PDE6A: variants seen among roughly 807,000 people sequenced by gnomAD.
PDE6A encodes the protein rod cGMP-specific 3',5'-cyclic phosphodiesterase subunit alpha.
A neutral mutation model predicts 106.3 loss-of-function variants in PDE6A; 84 were observed. The observed-to-expected ratio is 0.79, with a 90% CI of 0.66 to 0.95. The LOEUF (loss-of-function observed/expected upper bound fraction) is 0.95. Among genes scored for constraint, PDE6A ranks in the 40% least tolerant of loss-of-function variants. The probability of loss-of-function intolerance (pLI) is 0.00; values close to 1 mark genes in which losing one functional copy is unlikely to be tolerated. For missense variants in PDE6A, 1,052 were observed against 1,084.9 expected (o/e 0.97, Z 0.43); for synonymous variants, 394 against 386.6 (o/e 1.02, Z -0.23).
At chr5:149,914,536 TA>T (rs1390171035) in intron 6 of PDE6A, among the ~76,000 whole-genome samples, 6 of 152,064 alleles carry the variant, frequency 3.9e-5, no homozygotes, top group Middle Eastern at 3.4e-3. Flanking sequence ...AAATCTAAAC[TA>T]AGTTGTTTTC....
intron 8 of PDE6A, 44 bp downstream of exon 8, chr5:149,903,604 A>G (rs1424098845): frequency 1.3e-6 from 2 of 1,506,030 alleles, no homozygotes; most frequent in Admixed American, 1.7e-5. Context: ...TTTGGGGAGG[A>G]AAAAAAATCA....
intron 1 of PDE6A, among the ~76,000 whole-genome samples, chr5:149,940,505 C>CTTTTTTTTT (rs56930344): frequency 3.5e-4 from 50 of 142,020 alleles, no homozygotes; most frequent in African/African-American, 1.2e-3. Context: ...TGTTTGAATC[C>CTTTTTTTTT]TTTTTTTTTT....
In PDE6A at chr5:149,863,950, C is replaced by G. The variant is rs1215315667; in HGVS notation, c.2359-684G>C. Among the ~76,000 whole-genome samples, 2 of 152,010 alleles carry G rather than the reference C, an allele frequency of 1.3e-5. No individual in the cohort carries two copies. Among genetic ancestry groups the G allele is most frequent in the African/African-American group, 4.8e-5 (2 of 41,392 alleles). On this transcript the variant is annotated intron_variant, in intron 20 of 21. Transcript: ENST00000255266. This position sits in a 1 kb window ranked among gnomAD's most constrained non-coding sequence, Gnocchi z 4.7. ...AAGCTGTTCACTTTGCTGGAACACT[C>G]TAACCTCCCGTTTTCTTCCTTGAGG...
At chr5:149,910,598 T>C (rs1388676786) in intron 6 of PDE6A, among the ~76,000 whole-genome samples, 1 of 152,234 alleles carries the variant, frequency 6.6e-6, no homozygotes, top group Non-Finnish European at 1.5e-5. Context: ...AAAATTATTT[T>C]ACATGGCAAT....
At chr5:149,871,571 A>G (rs1760553248) in intron 17 of PDE6A, among the ~76,000 whole-genome samples, 1 of 152,028 alleles carries the variant, frequency 6.6e-6, no homozygotes, top group Admixed American at 6.6e-5. Context: ...GGTAGAAGGA[A>G]GCCCTGCACA....
intron 2 of PDE6A, 129 bp from the exon 3 acceptor site, chr5:149,934,148 A>G: frequency 1.4e-6 from 1 of 699,226 alleles, no homozygotes; most frequent in Non-Finnish European, 2.6e-6. Context: ...GATGGATCCT[A>G]GAATGCAGAC....
chr5:149,934,677 G>A lies in PDE6A; in HGVS notation c.516C>T (p.Tyr172=). The change falls in exon 2 of 22, where the codon TAC becomes TAT. Residue 172 remains tyrosine, a synonymous_variant. Coordinates refer to ENST00000255266, the MANE Select transcript of PDE6A (RefSeq NM_000440.3). ...GGGAAGCCAAGATGTTCTTGGTCTTGTACTCTGTGAGGATGTCCACAAAGT... is the reference window on the plus strand; with the variant it reads ...GGGAAGCCAAGATGTTCTTGGTCTTATACTCTGTGAGGATGTCCACAAAGT... ...FCDFVDILTE[Y]KTKNILASPI... The A allele has an allele frequency of 6.2e-7, 1 of 1,614,000 alleles. No homozygotes were observed. Among genetic ancestry groups the A allele is most frequent in the Non-Finnish European group, 8.5e-7 (1 of 1,179,976 alleles).
At chr5:149,891,604 C>G (rs918095334) in intron 13 of PDE6A, among the ~76,000 whole-genome samples, 1 of 152,094 alleles carries the variant, frequency 6.6e-6, no homozygotes, top group Non-Finnish European at 1.5e-5. Flanking sequence ...GAGTTCAAGA[C>G]CAGCCTGGGC....
At chr5:149,932,315 T>G in intron 3 of PDE6A, 1 of 1,443,050 alleles carries the variant, frequency 6.9e-7, no homozygotes, top group Non-Finnish European at 9.8e-7. Context: ...CTGCACGGAT[T>G]TCTTCATTTT....
In PDE6A at chr5:149,886,348, C is replaced by G; in HGVS notation, c.1755G>C (p.Thr585=). 1 of 1,614,080 alleles carries G rather than the reference C, an allele frequency of 6.2e-7. No individual in the cohort carries two copies. The highest frequency in any genetic ancestry group is 1.7e-4 in the Middle Eastern group (1 of 6,058). The change falls in exon 14 of 22, where the codon ACG becomes ACC. Residue 585 remains threonine, a synonymous_variant. Coordinates refer to ENST00000255266, the MANE Select transcript of PDE6A (RefSeq NM_000440.3). ...LVTGKLKRYF[T]DLEALAMVTA... is the part of the protein sequence containing the mutation. ...TGACCATGGCCAAGGCCTCTAGGTC[C>G]GTGAAGTAGCGCTTCAGCTTTCCCG...
chr5:149,944,700 TAGA>T lies in PDE6A; in HGVS notation c.-30_-28del. On this transcript the variant is annotated 5_prime_UTR_variant, in exon 1 of 22. Coordinates refer to ENST00000255266, the MANE Select transcript of PDE6A (RefSeq NM_000440.3). Reference sequence around the variant, plus strand: ...GCTGGGAATCCCACTGGCTACTCTGTAGAAGGACTGGGACGGAGGCCTTCCAAT... The same window carrying T: ...GCTGGGAATCCCACTGGCTACTCTGTAGGACTGGGACGGAGGCCTTCCAAT... 1.3e-6 allele frequency: 2 copies of T among 1,572,260 alleles called. No individual in the cohort carries two copies. Among genetic ancestry groups the T allele is most frequent in the Non-Finnish European group, 1.7e-6 (2 of 1,155,084 alleles).
rs2113558140 is a variant in PDE6A, at chr5:149,886,276, G to C, written c.1827C>G (p.Leu609=). 1 of 1,611,990 alleles carries C rather than the reference G, an allele frequency of 6.2e-7. No individual in the cohort carries two copies. ...GGAGGCTGACTCACTTCATCTGGTA[G>C]AGGTTATTGGTGCCTCTGTGGTCAA... ...HDIDHRGTNN[L]YQMKSQNPLA... The change falls in exon 14 of 22, where the codon CTC becomes CTG. Residue 609 remains leucine, a synonymous_variant. Transcript: ENST00000255266.
intron 13 of PDE6A, among the ~76,000 whole-genome samples, chr5:149,887,409 A>G (rs1219353359): frequency 6.6e-6 from 1 of 152,204 alleles, no homozygotes; most frequent in Non-Finnish European, 1.5e-5. Flanking sequence ...CAGGTCACAC[A>G]TGGCAGCACT....
rs753002443 is a variant in PDE6A, at chr5:149,886,350, TGAAGTA to T, written c.1747_1752del (p.Tyr583_Phe584del). 31 of 1,613,980 alleles carry T rather than the reference TGAAGTA, an allele frequency of 1.9e-5. No individual in the cohort carries two copies. Among genetic ancestry groups the T allele is most frequent in the African/African-American group, 2.7e-5 (2 of 74,926 alleles). ...ACCATGGCCAAGGCCTCTAGGTCCG[TGAAGTA>T]GCGCTTCAGCTTTCCCGTCTGGAAG... On this transcript the variant is annotated inframe_deletion, in exon 14 of 22. Coordinates refer to ENST00000255266, the MANE Select transcript of PDE6A (RefSeq NM_000440.3).
intron 1 of PDE6A, among the ~76,000 whole-genome samples, chr5:149,938,672 A>T (rs1358011085): frequency 6.6e-6 from 1 of 152,160 alleles, no homozygotes; most frequent in Non-Finnish European, 1.5e-5. Context: ...ACTATAAATA[A>T]TTTTTTAGTG....
At chr5:149,926,997 A>AAG (rs912390105) in intron 4 of PDE6A, among the ~76,000 whole-genome samples, 18 of 150,990 alleles carry the variant, frequency 1.2e-4, no homozygotes, top group African/African-American at 2.7e-4. Context: ...AAAAAAAAAA[A>AAG]AGAGAGAGAG....
chr5:149,894,619 G>T (rs184996008), intron 13 of PDE6A, among the ~76,000 whole-genome samples: 3 of 143,860 alleles, frequency 2.1e-5, no homozygotes, highest in Admixed American at 1.5e-4. Context: ...ATGACCAATT[G>T]AACTGTTGAA....
chr5:149,906,699 C>T (rs1382109418), intron 7 of PDE6A, among the ~76,000 whole-genome samples: 1 of 151,970 alleles, frequency 6.6e-6, no homozygotes, highest in African/African-American at 2.4e-5. Flanking sequence ...ATGTTGTTTG[C>T]CCATGTTCTT....
intron 6 of PDE6A, among the ~76,000 whole-genome samples, chr5:149,912,324 G>A (rs1287139898): frequency 6.6e-6 from 1 of 152,154 alleles, no homozygotes; most frequent in Non-Finnish European, 1.5e-5. Context: ...CCTTTGGTTT[G>A]ATTAGTCATT....
Sources: gnomAD v4.1 joint callset for allele counts (sites outside exome capture counted in the v4.1 genomes callset) on GRCh38, gnomAD v4.1.1 for gene constraint, Gnocchi (gnomAD v3.1) non-coding constraint, MANE v1.5 for transcripts, NCBI Gene and HGNC (gene_info 2026-07-23, HGNC 2026-07-21) for gene names.